The following PDE2A variants were observed in gnomAD, a reference collection of about 807,000 sequenced individuals.
PDE2A encodes the protein cGMP-dependent 3',5'-cyclic phosphodiesterase.
PDE2A carries 53 observed loss-of-function variants against 133.6 expected under a neutral mutation model. The ratio of observed to expected loss-of-function variants is 0.40; its 90% confidence interval spans 0.32 to 0.50. The LOEUF (loss-of-function observed/expected upper bound fraction) is 0.50, where lower values mean the gene tolerates loss of function less well. Among genes scored for constraint, PDE2A ranks in the 20% least tolerant of loss-of-function variants. PDE2A has a pLI of 0.73. For synonymous variants in PDE2A, 491 were observed against 490.2 expected, an observed-to-expected ratio of 1.00 and a Z score of -0.02; for missense variants, 796 against 1,232.4, an observed-to-expected ratio of 0.65 and a Z score of 5.30.
chr11:72,604,369 G>A (rs1312345369), intron 4 of PDE2A, among the ~76,000 whole-genome samples: 1 of 152,214 alleles, frequency 6.6e-6, no homozygotes, highest in Non-Finnish European at 1.5e-5. Flanking sequence ...CCACCCATCT[G>A]GAAGATGAGG....
rs566322840 is a variant in PDE2A at position 72,608,882 on chromosome 11, G to A, written c.145-131C>T. On this transcript the variant is annotated intron_variant, in intron 2 of 30. Coordinates refer to ENST00000334456, the MANE Select transcript of PDE2A (RefSeq NM_002599.5). Reference sequence around the variant, plus strand: ...AGTCTTTCAGGCACAGGAATCCCAGGATCTTAGGATCTCAAAATCAAACAG... The same window carrying A: ...AGTCTTTCAGGCACAGGAATCCCAGAATCTTAGGATCTCAAAATCAAACAG... 1.4e-4 allele frequency: 89 copies of A among 630,776 alleles called. No individual in the cohort carries two copies. In the African/African-American group the frequency reaches 1.4e-3, roughly 10 times the overall value. 39.1% of individuals were successfully genotyped at this position (630,776 alleles called of 1,614,324 possible).
chr11:72,638,770 C>T (rs1858820997), intron 2 of PDE2A, among the ~76,000 whole-genome samples: 1 of 152,216 alleles, frequency 6.6e-6, no homozygotes, highest in African/African-American at 2.4e-5. Context: ...ATGTCAACGA[C>T]AATGAAGATA....
intron 1 of PDE2A, among the ~76,000 whole-genome samples, chr11:72,672,565 G>C (rs1855409014): frequency 6.6e-6 from 1 of 152,096 alleles, no homozygotes; most frequent in African/African-American, 2.4e-5. Flanking sequence ...GGGCTCTCTG[G>C]ATAAAGCCTA....
chr11:72,638,042 G>A (rs1428509292), intron 2 of PDE2A, among the ~76,000 whole-genome samples: 2 of 152,172 alleles, frequency 1.3e-5, no homozygotes, highest in Admixed American at 1.3e-4. Flanking sequence ...AACATTTCCT[G>A]TCTCCTTGCC....
chr11:72,593,389 C>G (rs1856340178), intron 6 of PDE2A, among the ~76,000 whole-genome samples: 2 of 152,128 alleles, frequency 1.3e-5, no homozygotes, highest in South Asian at 4.2e-4. Context: ...TGTTCGCCAA[C>G]AGGAACACAC....
rs200838789 is a variant in PDE2A, at chr11:72,640,417, ACACACACT to A, written c.144+1829_144+1836del. Reference sequence around the variant, plus strand: ...TATGCACGTGTACATGCACGCACACACACACACTCACACACTCACACACTTGTCAACTG... The same window carrying A: ...TATGCACGTGTACATGCACGCACACACACACACTCACACACTTGTCAACTG... On this transcript the variant is annotated intron_variant, in intron 2 of 30. Transcript: ENST00000334456. 5.2e-3 allele frequency among the ~76,000 whole-genome samples: 790 copies of A among 151,766 alleles called. 2 individuals are homozygous for A. The highest frequency in any genetic ancestry group is 0.018 in the African/African-American group (737 of 41,336).
At chr11:72,670,704 T>C (rs1431974870) in intron 1 of PDE2A, among the ~76,000 whole-genome samples, 1 of 152,098 alleles carries the variant, frequency 6.6e-6, no homozygotes, top group Admixed American at 6.5e-5. Context: ...TTCTTGCCAC[T>C]CCTGGATCAT....
At chr11:72,657,812 A>G (rs1854939190) in intron 1 of PDE2A, 1 of 454,500 alleles carries the variant, frequency 2.2e-6, no homozygotes, top group African/African-American at 2.0e-5. Flanking sequence ...CCCTGGTAAA[A>G]CAAGCACAGA....
At chr11:72,657,986 A>G (rs1854945611) in intron 1 of PDE2A, 3 of 456,156 alleles carry the variant, frequency 6.6e-6, no homozygotes, top group East Asian at 1.4e-4. Flanking sequence ...TGGAGGGAAG[A>G]GGGAGGGAGT....
At position 72,591,274 on chromosome 11, in the gene PDE2A, C is replaced by T. The variant is rs762832066; in HGVS notation, c.549+23G>A. The T allele has an allele frequency of 5.0e-6, 8 of 1,600,206 alleles. No homozygotes were observed. The East Asian group carries it at 1.8e-4, about 36-fold the overall frequency. ...GTGATAAGGGTCTTCAGCCTCATTG[C>T]ACATGGCCCCACTCCCACTCACATG... On this transcript the variant is annotated intron_variant, in intron 7 of 30. Coordinates refer to ENST00000334456, the MANE Select transcript of PDE2A (RefSeq NM_002599.5).
chr11:72,581,828 T>C (rs1855737197), intron 22 of PDE2A, 49 bp downstream of exon 22: 6 of 1,528,890 alleles, frequency 3.9e-6, no homozygotes, highest in Non-Finnish European at 4.5e-6. Context: ...GATGTGACAG[T>C]AGAGGAAAGA....
At chr11:72,663,443 T>C (rs932850328) in intron 1 of PDE2A, among the ~76,000 whole-genome samples, 1 of 152,138 alleles carries the variant, frequency 6.6e-6, no homozygotes, top group Admixed American at 6.5e-5. Context: ...AAAGTGAGTG[T>C]TCAGGCCAGG....
At chr11:72,588,687 C>A in intron 13 of PDE2A, 97 bp downstream of exon 13, 1 of 1,216,782 alleles carries the variant, frequency 8.2e-7, no homozygotes, top group Non-Finnish European at 1.2e-6. Context: ...GAGACAGTAG[C>A]CCCTGCCCAG....
At position 72,657,610 on chromosome 11, in the gene PDE2A, C is replaced by A. The variant is rs12362256; in HGVS notation, c.72-15284G>T. ...TAAGAGTGCCATGTGGTTGTCATAG[C>A]GATGCTGGATGCTGTCATCACTAAT... On this transcript the variant is annotated intron_variant, in intron 1 of 30. Coordinates refer to ENST00000334456, the MANE Select transcript of PDE2A (RefSeq NM_002599.5). 3.9e-5 allele frequency among the ~76,000 whole-genome samples: 6 copies of A among 151,996 alleles called. No homozygotes were observed. The East Asian group carries it at 9.7e-4, about 24-fold the overall frequency.
At chr11:72,660,116 G>A (rs1036056851) in intron 1 of PDE2A, among the ~76,000 whole-genome samples, 1 of 151,988 alleles carries the variant, frequency 6.6e-6, no homozygotes, top group African/African-American at 2.4e-5. Context: ...AGTTTGCCAG[G>A]ATAAAAATAT....
At position 72,590,995 on chromosome 11, in the gene PDE2A, G is replaced by C; in HGVS notation, c.549+302C>G. On this transcript the variant is annotated intron_variant, in intron 7 of 30. Transcript: ENST00000334456. The surrounding 1 kb of genome is among the most constrained non-coding windows in gnomAD (Gnocchi z 4.8). Reference sequence around the variant, plus strand: ...ATGCTCCTGGACTTAGGATAGGGTTGCTTCCCCATAAATCCATCAAAAAGT... The same window carrying C: ...ATGCTCCTGGACTTAGGATAGGGTTCCTTCCCCATAAATCCATCAAAAAGT... The C allele has an allele frequency of 2.4e-6, 1 of 419,270 alleles. No homozygotes were observed. Among genetic ancestry groups the C allele is most frequent in the South Asian group, 4.0e-5 (1 of 24,752 alleles). The allele number at this position is 419,270 out of a possible 1,614,324, so 26.0% of individuals were successfully genotyped here.
chr11:72,577,544 G>A lies in PDE2A; in HGVS notation c.2666C>T (p.Ala889Val). 6.2e-7 allele frequency: 1 copy of A among 1,610,428 alleles called. No homozygotes were observed. Among genetic ancestry groups the A allele is most frequent in the Non-Finnish European group, 8.5e-7 (1 of 1,179,994 alleles). ...CTTGGTCCAGTGCTCACGGTTGGAG[G>A]CCACGCGCTCGTACAGCTCTGCCGC... ...PKAAELYERV[A>V]SNREHWTKVS... Residue 889 changes from alanine to valine, a missense_variant, in exon 31 of 31, where the codon GCC becomes GTC. Coordinates refer to ENST00000334456, the MANE Select transcript of PDE2A (RefSeq NM_002599.5).
intron 1 of PDE2A, chr11:72,643,148 G>T (rs551901725): frequency 7.7e-4 from 118 of 152,380 alleles, no homozygotes; most frequent in African/African-American, 2.8e-3. Flanking sequence ...GCGTTTCTCC[G>T]CAGAGCGGCT....
At chr11:72,580,382 A>G (rs1025098685) in intron 25 of PDE2A, among the ~76,000 whole-genome samples, 195 bp downstream of exon 25, 19 of 152,240 alleles carry the variant, frequency 1.2e-4, no homozygotes, top group Middle Eastern at 3.4e-3. Flanking sequence ...CTGAACACAA[A>G]TCCTTGCTAT....
Sources: allele counts gnomAD v4.1 joint callset (sites outside exome capture counted in the v4.1 genomes callset), GRCh38; gene constraint gnomAD v4.1.1; non-coding constraint Gnocchi (gnomAD v3.1); transcripts MANE v1.5; gene names NCBI Gene and HGNC (gene_info 2026-07-23, HGNC 2026-07-21).